Variants in TXN2 observed in about 807,000 individuals in gnomAD.
TXN2 encodes thioredoxin, mitochondrial.
A neutral mutation model predicts 14.6 loss-of-function variants in TXN2; 12 were observed. The observed-to-expected ratio is 0.82, with a 90% CI of 0.53 to 1.33. The LOEUF (loss-of-function observed/expected upper bound fraction) is 1.33, where lower values mean the gene tolerates loss of function less well. Ranked by LOEUF, TXN2 falls within the 40% of genes most tolerant of loss-of-function variation. TXN2 has a pLI of 0.00. For synonymous variants in TXN2, 89 were observed against 81.0 expected, an observed-to-expected ratio of 1.10 and a Z score of -0.53; for missense variants, 173 against 207.7, an observed-to-expected ratio of 0.83 and a Z score of 1.03.
intron 2 of TXN2, 150 bp from the exon 3 acceptor site, chr22:36,477,006 C>G (rs1364638079): frequency 1.2e-5 from 16 of 1,327,914 alleles, no homozygotes; most frequent in Middle Eastern, 3.8e-4. Flanking sequence ...AATGGTAATG[C>G]CAGGAGATTC....
At chr22:36,477,980 T>TA (rs1933421464) in intron 2 of TXN2, among the ~76,000 whole-genome samples, 2 of 151,758 alleles carry the variant, frequency 1.3e-5, no homozygotes, top group Admixed American at 1.3e-4. Context: ...CTACTAAAAA[T>TA]ACAAAGATTA....
At chr22:36,468,566 C>G (rs1049083275) in intron 3 of TXN2, 5 of 350,258 alleles carry the variant, frequency 1.4e-5, no homozygotes, top group African/African-American at 1.1e-4. Flanking sequence ...TTTACTAAAC[C>G]CCCCCAAAAT....
At position 36,469,846 on chromosome 22, in the gene TXN2, C is replaced by T. The variant is rs572338664; in HGVS notation, c.388-1929G>A. Among the ~76,000 whole-genome samples the T allele has an allele frequency of 1.7e-4, 26 of 152,236 alleles. No individual in the cohort carries two copies. In the South Asian group the frequency reaches 5.4e-3, roughly 32 times the overall value. ...TGGGGCATGCCTATAGTCCCAGCTACTCGGGAGGCTGAGGCAGGAGAATCG... is the reference window on the plus strand; with the variant it reads ...TGGGGCATGCCTATAGTCCCAGCTATTCGGGAGGCTGAGGCAGGAGAATCG... On this transcript the variant is annotated intron_variant, in intron 3 of 3. Transcript: ENST00000216185.
In TXN2 at chr22:36,476,744, T is replaced by A. The variant is rs141470075; in HGVS notation, c.376A>T (p.Ile126Phe). 2 of 1,614,036 alleles carry A rather than the reference T, an allele frequency of 1.2e-6. No homozygotes were observed. Among genetic ancestry groups the A allele is most frequent in the African/African-American group, 2.7e-5 (2 of 74,906 alleles). The change falls in exon 3 of 4, where the codon ATT (isoleucine) becomes TTT (phenylalanine). Residue 126 changes from isoleucine to phenylalanine, a missense_variant. Physicochemically the swap from Ile to Phe is conservative, Grantham distance 21. Transcript: ENST00000216185. Reference sequence around the variant, plus strand: ...CTGTCAATCCATACCTCATACTCAATGGCGAGGTCTGTGTGGTCATCAATA... The same window carrying A: ...CTGTCAATCCATACCTCATACTCAAAGGCGAGGTCTGTGTGGTCATCAATA... ...VDIDDHTDLA[I>F]EYEVSAVPTV...
chr22:36,473,358 G>A (rs554216781), intron 3 of TXN2, among the ~76,000 whole-genome samples: 24 of 152,274 alleles, frequency 1.6e-4, no homozygotes, highest in South Asian at 8.3e-4. Context: ...CAGGAGAATC[G>A]CTTGAACCTG....
chr22:36,468,583 C>G, intron 3 of TXN2: 3 of 372,352 alleles, frequency 8.1e-6, no homozygotes, highest in African/African-American at 2.2e-5. Context: ...AAATATTAGC[C>G]AGGCATGGTG....
In TXN2 at chr22:36,467,459, A is replaced by G. The variant is rs1262258573; in HGVS notation, c.*345T>C. ...AGCCAGGCACGAGGTTTCAGATTGG[A>G]AGGGACCAAGATGAGGACCAAGGTG... On this transcript the variant is annotated 3_prime_UTR_variant, in exon 4 of 4. Transcript: ENST00000216185. The G allele has an allele frequency of 1.2e-5, 3 of 242,790 alleles. No homozygotes were observed. Among genetic ancestry groups the G allele is most frequent in the Middle Eastern group, 1.5e-3 (1 of 680 alleles). The allele number at this position is 242,790 out of a possible 1,614,324, so 15.0% of individuals were successfully genotyped here. A position where few individuals can be genotyped will look rare whatever the true frequency, so the allele number is the denominator to read the frequency against.
intron 3 of TXN2, among the ~76,000 whole-genome samples, chr22:36,470,972 CAT>C (rs1481251573): frequency 6.8e-6 from 1 of 148,110 alleles, no homozygotes; most frequent in Non-Finnish European, 1.5e-5. Context: ...CGCATACACA[CAT>C]ATATACACAC....
At position 36,467,432 on chromosome 22, in the gene TXN2, C is replaced by G; in HGVS notation, c.*372G>C. ...TGGAAAGAGAAATGTAGGTGGCAGA[C>G]GAGCCAGGCACGAGGTTTCAGATTG... On this transcript the variant is annotated 3_prime_UTR_variant, in exon 4 of 4. Coordinates refer to ENST00000216185, the MANE Select transcript of TXN2 (RefSeq NM_012473.4). The G allele has an allele frequency of 4.9e-6, 1 of 202,954 alleles. No homozygotes were observed. Among genetic ancestry groups the G allele is most frequent in the Non-Finnish European group, 1.0e-5 (1 of 99,986 alleles). The allele number at this position is 202,954 out of a possible 1,614,324, so 12.6% of individuals were successfully genotyped here.
At chr22:36,479,700 G>T (rs1933459222) in intron 2 of TXN2, among the ~76,000 whole-genome samples, 1 of 152,106 alleles carries the variant, frequency 6.6e-6, no homozygotes, top group African/African-American at 2.4e-5. Flanking sequence ...AGAGGGCTTT[G>T]TCCAGCTTTT....
Position 36,476,766 on chromosome 22 carries a change from A to G in TXN2, c.354T>C (p.Ile118=), listed in dbSNP as rs200391842. The G allele has an allele frequency of 2.5e-6, 4 of 1,614,124 alleles. No individual in the cohort carries two copies. The highest frequency in any genetic ancestry group is 3.4e-6 in the Non-Finnish European group (4 of 1,180,010). Residue 118 remains isoleucine, a synonymous_variant, in exon 3 of 4, where the codon ATT becomes ATC. Transcript: ENST00000216185. ...HGKVVMAKVD[I]DDHTDLAIEY... ...CAATGGCGAGGTCTGTGTGGTCATC[A>G]ATATCCACCTTGGCCATCACCACCT...
intron 3 of TXN2, among the ~76,000 whole-genome samples, chr22:36,474,050 G>C (rs928680764): frequency 6.6e-6 from 1 of 152,204 alleles, no homozygotes; most frequent in Non-Finnish European, 1.5e-5. Context: ...TGAAGCCCAC[G>C]CGTGACCTGT....
At chr22:36,471,654 G>A (rs900392763) in intron 3 of TXN2, among the ~76,000 whole-genome samples, 3 of 152,172 alleles carry the variant, frequency 2.0e-5, no homozygotes, top group Middle Eastern at 3.2e-3. Context: ...GAGGCTCAAA[G>A]GGTGAGCAAC....
At chr22:36,480,214 C>A (rs554722811) in intron 2 of TXN2, among the ~76,000 whole-genome samples, 4 of 152,322 alleles carry the variant, frequency 2.6e-5, no homozygotes, top group East Asian at 3.9e-4. Flanking sequence ...GCCCTTCTTG[C>A]GGTTTTCATG....
intron 2 of TXN2, among the ~76,000 whole-genome samples, chr22:36,479,486 C>T (rs1933454465): frequency 1.3e-5 from 2 of 152,008 alleles, no homozygotes; most frequent in African/African-American, 2.4e-5. Context: ...TGCCCGCCAC[C>T]ACGCCCGATT....
chr22:36,468,006 G>A (rs1603486894), intron 3 of TXN2, 89 bp from the exon 4 acceptor site: 1 of 1,143,546 alleles, frequency 8.7e-7, no homozygotes, highest in Non-Finnish European at 1.3e-6. Flanking sequence ...AAGGCTGGTG[G>A]CTTATCCAGG....
At chr22:36,468,116 TCTTCC>T in intron 3 of TXN2, among the ~76,000 whole-genome samples, 199 bp from the exon 4 acceptor site, 1 of 152,092 alleles carries the variant, frequency 6.6e-6, no homozygotes, top group Admixed American at 6.6e-5. Flanking sequence ...TGAAGAAACG[TCTTCC>T]ATTGCGGGCT....
At chr22:36,468,700 G>C (rs1418934733) in intron 3 of TXN2, 1 of 446,332 alleles carries the variant, frequency 2.2e-6, no homozygotes, top group East Asian at 7.2e-5. Flanking sequence ...ACTCCAGCCT[G>C]GGTGACAGAG....
chr22:36,468,546 A>T (rs1311250434), intron 3 of TXN2: 9 of 345,310 alleles, frequency 2.6e-5, no homozygotes, highest in Non-Finnish European at 5.2e-5. Context: ...CAATATAGTG[A>T]GACCCTTTGT....
Sources: gnomAD v4.1 joint callset for allele counts (sites outside exome capture counted in the v4.1 genomes callset) on GRCh38, gnomAD v4.1.1 for gene constraint, MANE v1.5 for transcripts, NCBI Gene and HGNC (gene_info 2026-07-23, HGNC 2026-07-21) for gene names.